Variants in SEPHS1 observed in about 807,000 individuals in gnomAD.
SEPHS1 encodes the protein selenophosphate synthetase 1, also known as zincore component SEPHS1.
In SEPHS1, 7 loss-of-function variants were observed where a neutral mutation model predicts 39.2. The ratio of observed to expected loss-of-function variants is 0.18; its 90% confidence interval spans 0.10 to 0.34. SEPHS1 has a LOEUF of 0.34. Ranked by LOEUF, SEPHS1 falls within the 10% of genes least tolerant of loss-of-function variation. The pLI is 1.00. For synonymous variants in SEPHS1, 190 were observed against 195.5 expected, an observed-to-expected ratio of 0.97 and a Z score of 0.23; for missense variants, 253 against 514.5, an observed-to-expected ratio of 0.49 and a Z score of 4.92.
rs1465476675 is a variant in SEPHS1, at chr10:13,319,037, G to A, written c.*105C>T. On this transcript the variant is annotated 3_prime_UTR_variant, in exon 9 of 9. Transcript: ENST00000327347. ...TTACAAACCGACCTAAGGTCACCCC[G>A]ATGTGTAGACACAATGAGATTTTTG... 13 of 1,130,990 alleles carry A rather than the reference G, an allele frequency of 1.1e-5. No homozygotes were observed. Among genetic ancestry groups the A allele is most frequent in the African/African-American group, 4.7e-5 (3 of 63,914 alleles). The allele number at this position is 1,130,990 out of a possible 1,614,324, so 70.1% of individuals were successfully genotyped here. A position where few individuals can be genotyped will look rare whatever the true frequency, so the allele number is the denominator to read the frequency against.
chr10:13,335,976 G>A (rs1234777851), intron 4 of SEPHS1, among the ~76,000 whole-genome samples: 3 of 115,238 alleles, frequency 2.6e-5, no homozygotes, highest in Non-Finnish European at 5.4e-5. Flanking sequence ...TGAGACTCCT[G>A]TCTCAAAAAA....
intron 5 of SEPHS1, 46 bp downstream of exon 5, chr10:13,333,771 G>C (rs759560776): frequency 6.3e-7 from 1 of 1,590,840 alleles, no homozygotes; most frequent in Non-Finnish European, 8.6e-7. Context: ...AGAGAGGACA[G>C]AGAGAGAAAA....
chr10:13,321,996 T>A (rs1833131921), intron 8 of SEPHS1: 4 of 450,362 alleles, frequency 8.9e-6, no homozygotes, highest in South Asian at 6.4e-5. Context: ...CTGATGGCTC[T>A]CTCTACCTAC....
At chr10:13,327,599 G>T (rs746918342) in intron 7 of SEPHS1, among the ~76,000 whole-genome samples, 1 of 152,110 alleles carries the variant, frequency 6.6e-6, no homozygotes, top group Non-Finnish European at 1.5e-5. Context: ...ATTAAAAAAC[G>T]CTTTCTAAAC....
At chr10:13,335,294 A>G (rs1036657293) in intron 4 of SEPHS1, among the ~76,000 whole-genome samples, 1 of 152,214 alleles carries the variant, frequency 6.6e-6, no homozygotes, top group Non-Finnish European at 1.5e-5. Flanking sequence ...GTGCCCTCTA[A>G]GTGCCACGTG....
intron 7 of SEPHS1, among the ~76,000 whole-genome samples, chr10:13,327,215 T>C (rs1365322537): frequency 8.2e-6 from 1 of 122,222 alleles, no homozygotes; most frequent in Non-Finnish European, 1.6e-5. Context: ...GACTCCAGCC[T>C]GGGCGACAGA....
chr10:13,324,176 T>C (rs1206771756), intron 7 of SEPHS1, among the ~76,000 whole-genome samples: 2 of 152,230 alleles, frequency 1.3e-5, no homozygotes, highest in Admixed American at 6.5e-5. Context: ...GGAATCCTTC[T>C]GTATGGAGCT....
chr10:13,335,243 C>G (rs1323232070), intron 4 of SEPHS1, among the ~76,000 whole-genome samples: 1 of 152,256 alleles, frequency 6.6e-6, no homozygotes, highest in African/African-American at 2.4e-5. Context: ...TATCCCCCGT[C>G]ACCATCTACG....
intron 2 of SEPHS1, 108 bp from the exon 3 acceptor site, chr10:13,338,916 T>C: frequency 2.5e-6 from 2 of 809,596 alleles, no homozygotes; most frequent in South Asian, 2.8e-5. Context: ...TTATGGAAAC[T>C]GCAGGCTGCC....
At position 13,336,297 on chromosome 10, in the gene SEPHS1, C is replaced by T. The variant is rs375133467; in HGVS notation, c.351G>A (p.Thr117=). 1.1e-5 allele frequency: 18 copies of T among 1,613,934 alleles called. No individual in the cohort carries two copies. Among genetic ancestry groups the T allele is most frequent in the African/African-American group, 2.7e-5 (2 of 74,908 alleles). Residue 117 remains threonine (T), a synonymous_variant, in exon 4 of 9, where the codon ACG becomes ACA. Transcript: ENST00000327347. ...VLSDLYAMGV[T]ECDNMLMLLG... is the part of the protein sequence containing the mutation. ...GGAGCATCAGCATATTGTCACATTC[C>T]GTGACCCCCATTGCATAGAGGTCAC...
chr10:13,328,034 G>T (rs561781079), intron 7 of SEPHS1, among the ~76,000 whole-genome samples: 4 of 151,848 alleles, frequency 2.6e-5, no homozygotes, highest in African/African-American at 9.6e-5. Flanking sequence ...AATAGCTCCA[G>T]TATCTTAAAC....
chr10:13,328,541 T>A (rs1005968727), intron 6 of SEPHS1, 91 bp from the exon 7 acceptor site: 25 of 872,622 alleles, frequency 2.9e-5, no homozygotes, highest in Non-Finnish European at 4.6e-5. Context: ...CAACTTTTTC[T>A]TATTTAACTT....
At chr10:13,322,293 C>G (rs1833141139) in intron 8 of SEPHS1, among the ~76,000 whole-genome samples, 1 of 151,904 alleles carries the variant, frequency 6.6e-6, no homozygotes, top group South Asian at 2.1e-4. Flanking sequence ...AGGCATGGAC[C>G]ACCACGCCCA....
At position 13,328,335 on chromosome 10, in the gene SEPHS1, T is replaced by G; in HGVS notation, c.751+16A>C. On this transcript the variant is annotated intron_variant, in intron 7 of 8. Transcript: ENST00000327347. The stretch of plus-strand genomic sequence containing the variant: ...TTGGACCCCTGGGACCGAAGCGCCC[T>G]TCCCACCTGTCATACCTGTCCTGTT... 6.4e-7 allele frequency: 1 copy of G among 1,570,852 alleles called. No homozygotes were observed. The highest frequency in any genetic ancestry group is 8.8e-7 in the Non-Finnish European group (1 of 1,141,964).
chr10:13,328,610 T>C (rs1454312832), intron 6 of SEPHS1, among the ~76,000 whole-genome samples, 160 bp from the exon 7 acceptor site: 3 of 152,214 alleles, frequency 2.0e-5, no homozygotes, highest in African/African-American at 7.2e-5. Context: ...GTGGATAGTA[T>C]TTTAGGTGTC....
rs1833012725 is a variant in SEPHS1, at chr10:13,318,636, T to C, written c.*506A>G. 6.3e-6 allele frequency: 1 copy of C among 157,852 alleles called. No individual in the cohort carries two copies. Among genetic ancestry groups the C allele is most frequent in the African/African-American group, 2.4e-5 (1 of 41,426 alleles). 9.8% of individuals were successfully genotyped at this position (157,852 alleles called of 1,614,324 possible). A position where few individuals can be genotyped will look rare whatever the true frequency, so the allele number is the denominator to read the frequency against. On this transcript the variant is annotated 3_prime_UTR_variant, in exon 9 of 9. Transcript: ENST00000327347. Reference sequence around the variant, plus strand: ...TGCTCTTGAGAGACAAGACTAGGCTTTTCAAATCAAACACTCAAAGGAATC... The same window carrying C: ...TGCTCTTGAGAGACAAGACTAGGCTCTTCAAATCAAACACTCAAAGGAATC...
At chr10:13,319,431 G>T in intron 8 of SEPHS1, 75 bp from the exon 9 acceptor site, 1 of 1,469,820 alleles carries the variant, frequency 6.8e-7, no homozygotes. Flanking sequence ...CTTCTGCAGA[G>T]ATCCAACTTC....
chr10:13,338,641 A>C, intron 3 of SEPHS1, 64 bp downstream of exon 3: 2 of 1,314,298 alleles, frequency 1.5e-6, no homozygotes, highest in Non-Finnish European at 2.2e-6. Flanking sequence ...ACAAAACCCC[A>C]GCCACAACCC....
intron 7 of SEPHS1, among the ~76,000 whole-genome samples, chr10:13,325,577 C>T (rs906881214): frequency 7.2e-5 from 11 of 152,152 alleles, no homozygotes; most frequent in Non-Finnish European, 7.3e-5. Flanking sequence ...GAGGTCTCCC[C>T]AGCCATGTGA....
Sources: gnomAD v4.1 joint callset for allele counts (sites outside exome capture counted in the v4.1 genomes callset) on GRCh38, gnomAD v4.1.1 for gene constraint, MANE v1.5 for transcripts, NCBI Gene and HGNC (gene_info 2026-07-23, HGNC 2026-07-21) for gene names.